The following ANKDD1B variants were observed in gnomAD, a reference collection of about 807,000 sequenced individuals.
ANKDD1B encodes ankyrin repeat and death domain-containing protein 1B.
ANKDD1B carries 57 observed loss-of-function variants against 59.7 expected under a neutral mutation model. The ratio of observed to expected loss-of-function variants is 0.95; its 90% confidence interval spans 0.77 to 1.19. The LOEUF is 1.19. ANKDD1B is among the 50% of genes most tolerant of loss of function. ANKDD1B has a pLI of 0.00. For missense variants in ANKDD1B, 602 were observed against 641.9 expected (o/e 0.94, Z 0.67); for synonymous variants, 216 against 239.5 (o/e 0.90, Z 0.91).
intron 9 of ANKDD1B, among the ~76,000 whole-genome samples, chr5:75,656,485 C>G (rs1774979269): frequency 6.6e-6 from 1 of 152,192 alleles, no homozygotes; most frequent in Non-Finnish European, 1.5e-5. Context: ...AGCCTTTCCC[C>G]CACAAGAAGG....
intron 1 of ANKDD1B, among the ~76,000 whole-genome samples, chr5:75,613,181 G>A (rs1344858568): frequency 6.6e-6 from 1 of 152,198 alleles, no homozygotes; most frequent in Non-Finnish European, 1.5e-5. Context: ...ACTGTGAGAT[G>A]AAGAAATGGA....
intron 6 of ANKDD1B, chr5:75,635,543 G>A (rs1314415791): frequency 2.9e-6 from 1 of 341,598 alleles, no homozygotes; most frequent in Non-Finnish European, 5.2e-6. Context: ...GCAATTGGTA[G>A]CAAAGTTAGA....
chr5:75,655,237 G>C (rs1774937943), intron 8 of ANKDD1B, among the ~76,000 whole-genome samples: 1 of 152,204 alleles, frequency 6.6e-6, no homozygotes, highest in African/African-American at 2.4e-5. Context: ...GGGGCCGGGG[G>C]CTCCATGAAG....
At chr5:75,613,941 C>T (rs989166422) in intron 1 of ANKDD1B, among the ~76,000 whole-genome samples, 7 of 152,158 alleles carry the variant, frequency 4.6e-5, no homozygotes, top group African/African-American at 1.2e-4. Flanking sequence ...GCCTGGACCA[C>T]GTAACGAGAC....
At chr5:75,652,133 C>T (rs563597794) in intron 7 of ANKDD1B, among the ~76,000 whole-genome samples, 24 of 152,338 alleles carry the variant, frequency 1.6e-4, no homozygotes. Context: ...AAGCAATTTC[C>T]AGCAGCATCC....
chr5:75,666,651 T>A, intron 11 of ANKDD1B, 141 bp from the exon 12 acceptor site: 1 of 602,362 alleles, frequency 1.7e-6, no homozygotes, highest in Non-Finnish European at 2.8e-6. Flanking sequence ...AAAATATATA[T>A]ATGATCCAGT....
At position 75,611,644 on chromosome 5, in the gene ANKDD1B, G is replaced by A. The variant is rs61516153; in HGVS notation, c.10G>A (p.Ala4Thr). Residue 4 changes from alanine (A) to threonine (T), a missense_variant, in exon 1 of 14, where the codon GCC becomes ACC. Physicochemically the swap from Ala to Thr is moderately conservative, Grantham distance 58 (BLOSUM62 0). This residue lies in a region of ANKDD1B where 317 missense variants were observed against 304.6 expected (regional missense o/e 1.04). Coordinates refer to ENST00000601380, the MANE Select transcript of ANKDD1B (RefSeq NM_001276713.2). MDP[A>T]GRARGQGATA... ...GCCCGCGGAGGAGACTATGGACCCCGCCGGGCGCGCCCGGGGCCAAGGGGC... is the reference window on the plus strand; with the variant it reads ...GCCCGCGGAGGAGACTATGGACCCCACCGGGCGCGCCCGGGGCCAAGGGGC... The A allele has an allele frequency of 0.025, 30,860 of 1,231,210 alleles. 507 individuals are homozygous for A. The highest frequency in any genetic ancestry group is 0.078 in the African/African-American group (5,053 of 64,376). The allele number at this position is 1,231,210 out of a possible 1,614,324, so 76.3% of individuals were successfully genotyped here.
At chr5:75,633,935 C>T (rs1232279195) in intron 5 of ANKDD1B, among the ~76,000 whole-genome samples, 1 of 152,186 alleles carries the variant, frequency 6.6e-6, no homozygotes, top group East Asian at 1.9e-4. Context: ...AAGGTGGGAG[C>T]TAGGATGCTC....
chr5:75,614,965 CATGTGCTATGGTCTGA>C (rs1773675583), intron 1 of ANKDD1B, among the ~76,000 whole-genome samples: 2 of 152,088 alleles, frequency 1.3e-5, no homozygotes. Flanking sequence ...ATAGGTGGAC[CATGTGCTATGGTCTGA>C]ATGTGCAAAA....
At chr5:75,651,752 G>T (rs1400366170) in intron 7 of ANKDD1B, among the ~76,000 whole-genome samples, 1 of 152,166 alleles carries the variant, frequency 6.6e-6, no homozygotes, top group Non-Finnish European at 1.5e-5. Flanking sequence ...TTTGCCCTAG[G>T]CATAGTGTCT....
intron 10 of ANKDD1B, among the ~76,000 whole-genome samples, chr5:75,661,478 AAACAC>A (rs1367403631): frequency 6.6e-6 from 1 of 151,952 alleles, no homozygotes; most frequent in Non-Finnish European, 1.5e-5. Context: ...TTAAGGAGGA[AAACAC>A]AACACAGAAT....
chr5:75,656,927 A>G (rs1009050596), intron 9 of ANKDD1B, among the ~76,000 whole-genome samples: 1 of 152,218 alleles, frequency 6.6e-6, no homozygotes, highest in Non-Finnish European at 1.5e-5. Flanking sequence ...AGATCTCTGC[A>G]GTCTCCTCCA....
chr5:75,667,554 G>C (rs990895767), intron 12 of ANKDD1B, among the ~76,000 whole-genome samples: 3 of 152,154 alleles, frequency 2.0e-5, no homozygotes, highest in African/African-American at 7.2e-5. Flanking sequence ...GGGCTTTCTT[G>C]GCTAGATGAT....
At chr5:75,654,132 C>T (rs556973233) in intron 8 of ANKDD1B, among the ~76,000 whole-genome samples, 4 of 152,218 alleles carry the variant, frequency 2.6e-5, no homozygotes, top group African/African-American at 9.6e-5. Flanking sequence ...TGCTCTGACC[C>T]TTGCTGGCCT....
chr5:75,666,658 C>A, intron 11 of ANKDD1B, 134 bp from the exon 12 acceptor site: 6 of 612,322 alleles, frequency 9.8e-6, no homozygotes, highest in East Asian at 2.9e-5. Flanking sequence ...ATATATGATC[C>A]AGTGACAGGA....
intron 7 of ANKDD1B, among the ~76,000 whole-genome samples, chr5:75,652,572 C>T (rs897274015): frequency 6.6e-6 from 1 of 152,164 alleles, no homozygotes; most frequent in Non-Finnish European, 1.5e-5. Flanking sequence ...CTCAGCCTCC[C>T]AAGTACCTGG....
intron 5 of ANKDD1B, among the ~76,000 whole-genome samples, chr5:75,629,141 A>AT (rs1774075004): frequency 6.6e-6 from 1 of 152,186 alleles, no homozygotes; most frequent in Non-Finnish European, 1.5e-5. Flanking sequence ...GTTTTCTTAT[A>AT]TAGACCCAAG....
chr5:75,641,189 T>G (rs1178725367), intron 7 of ANKDD1B, among the ~76,000 whole-genome samples: 1 of 152,198 alleles, frequency 6.6e-6, no homozygotes, highest in Non-Finnish European at 1.5e-5. Context: ...TTATTTTTAT[T>G]TTTTTAGATC....
At chr5:75,622,977 A>G (rs1420027228) in intron 3 of ANKDD1B, among the ~76,000 whole-genome samples, 4 of 152,168 alleles carry the variant, frequency 2.6e-5, no homozygotes, top group Non-Finnish European at 5.9e-5. Flanking sequence ...CGGAGCTTCG[A>G]ATTTTAAAAT....
Sources: allele counts gnomAD v4.1 joint callset (sites outside exome capture counted in the v4.1 genomes callset), GRCh38; gene constraint gnomAD v4.1.1; regional missense constraint gnomAD v4.1.1; transcripts MANE v1.5; gene names NCBI Gene and HGNC (gene_info 2026-07-23, HGNC 2026-07-21).